RNLS: variants seen among roughly 807,000 people sequenced by gnomAD.
The protein encoded by RNLS is renalase, FAD dependent amine oxidase.
RNLS carries 39 observed loss-of-function variants against 39.8 expected under a neutral mutation model. The ratio of observed to expected loss-of-function variants is 0.98; its 90% confidence interval spans 0.76 to 1.28. The LOEUF (loss-of-function observed/expected upper bound fraction) is 1.28. Among genes scored for constraint, RNLS ranks in the 50% most tolerant of loss-of-function variants. RNLS has a pLI of 0.00. For synonymous variants in RNLS, 147 were observed against 150.7 expected (o/e 0.98, Z 0.18); for missense variants, 410 against 413.3 (o/e 0.99, Z 0.07).
At chr10:88,203,268 G>GTATATA in the RNLS span, among the ~76,000 whole-genome samples, 3 of 16,794 alleles carry the variant, frequency 1.8e-4, no homozygotes, top group African/African-American at 3.5e-4. Context: ...GTGTGTGTAT[G>GTATATA]TATATATATA....
the RNLS span, among the ~76,000 whole-genome samples, chr10:88,262,190 A>AT: frequency 4.0e-5 from 6 of 151,504 alleles, no homozygotes; most frequent in African/African-American, 9.7e-5. Flanking sequence ...ATAGACAGGA[A>AT]TTTTTTTTTA....
At chr10:88,202,844 T>C in the RNLS span, among the ~76,000 whole-genome samples, 1 of 152,074 alleles carries the variant, frequency 6.6e-6, no homozygotes, top group African/African-American at 2.4e-5. Context: ...GATTCCCCCA[T>C]GGCACACAGG....
chr10:88,250,549 C>A, the RNLS span, among the ~76,000 whole-genome samples: 4 of 152,330 alleles, frequency 2.6e-5, no homozygotes, highest in Admixed American at 1.3e-4. Flanking sequence ...CAGCCCTCAA[C>A]AATTCAGACC....
intron 4 of RNLS, among the ~76,000 whole-genome samples, chr10:88,482,923 T>A (rs542653793): frequency 8.9e-4 from 135 of 152,066 alleles, no homozygotes; most frequent in East Asian, 7.7e-4. Context: ...CTTCCCTTCC[T>A]TCCTTCCCTC....
intron 4 of RNLS, among the ~76,000 whole-genome samples, chr10:88,363,428 C>CT (rs1849794864): frequency 1.3e-5 from 2 of 151,968 alleles, no homozygotes; most frequent in South Asian, 4.1e-4. Context: ...ACAAAAACTG[C>CT]TACACACACA....
the RNLS span, among the ~76,000 whole-genome samples, chr10:88,248,227 A>G: frequency 6.6e-6 from 1 of 152,202 alleles, no homozygotes; most frequent in African/African-American, 2.4e-5. Flanking sequence ...ACGTATCTAG[A>G]GTCTTCGTCT....
intron 4 of RNLS, among the ~76,000 whole-genome samples, chr10:88,366,543 C>T (rs1229465493): frequency 6.6e-6 from 1 of 151,260 alleles, no homozygotes; most frequent in East Asian, 1.9e-4. Flanking sequence ...TGTACTAGGT[C>T]CCAATAGTCC....
intron 4 of RNLS, among the ~76,000 whole-genome samples, chr10:88,567,364 C>G (rs1203042987): frequency 6.6e-6 from 1 of 152,152 alleles, no homozygotes; most frequent in Non-Finnish European, 1.5e-5. Context: ...TTAGATGTCA[C>G]TAATACAAAT....
chr10:88,346,811 C>T (rs954276806), intron 5 of RNLS, among the ~76,000 whole-genome samples: 2 of 152,148 alleles, frequency 1.3e-5, no homozygotes, highest in Admixed American at 6.6e-5. Context: ...AGATGTGTCA[C>T]ATGTGTGATG....
At chr10:88,189,415 T>C in the RNLS span, among the ~76,000 whole-genome samples, 2 of 152,182 alleles carry the variant, frequency 1.3e-5, no homozygotes, top group Non-Finnish European at 2.9e-5. Flanking sequence ...TAAAGGGATA[T>C]AGTAATAATT....
chr10:88,562,175 G>A (rs1431462715), intron 4 of RNLS, among the ~76,000 whole-genome samples: 3 of 151,948 alleles, frequency 2.0e-5, no homozygotes, highest in South Asian at 2.1e-4. Context: ...TTTCACTTTG[G>A]GGATCTTATC....
intron 4 of RNLS, among the ~76,000 whole-genome samples, chr10:88,396,618 G>A (rs889850321): frequency 6.6e-6 from 1 of 150,768 alleles, no homozygotes. Flanking sequence ...ATAGCAAAAT[G>A]GCAGACATAA....
chr10:88,325,991 C>T (rs538650253), intron 5 of RNLS, among the ~76,000 whole-genome samples: 2 of 152,308 alleles, frequency 1.3e-5, no homozygotes, highest in East Asian at 3.9e-4. Flanking sequence ...AAGCTTGCTT[C>T]CTCTTTGCCT....
intron 6 of RNLS, among the ~76,000 whole-genome samples, chr10:88,310,959 T>C (rs751221135): frequency 7.2e-5 from 11 of 152,176 alleles, no homozygotes; most frequent in Non-Finnish European, 1.6e-4. Flanking sequence ...CACATCCATT[T>C]ATTTTTCCAA....
chr10:88,333,757 G>C (rs7089911), intron 5 of RNLS, among the ~76,000 whole-genome samples: 60,324 of 152,020 alleles, frequency 0.4, 12,253 homozygotes, highest in East Asian at 0.51. Flanking sequence ...GTATTTAGAG[G>C]TGGGGCCGTT....
the RNLS span, among the ~76,000 whole-genome samples, chr10:88,197,000 T>C: frequency 1.3e-5 from 2 of 152,228 alleles, no homozygotes; most frequent in African/African-American, 4.8e-5. Context: ...TTCTAATTAA[T>C]AATGATTCTG....
intron 4 of RNLS, among the ~76,000 whole-genome samples, chr10:88,410,642 C>T (rs1366857918): frequency 6.6e-6 from 1 of 152,098 alleles, no homozygotes; most frequent in Admixed American, 6.6e-5. Flanking sequence ...AAACATTTAT[C>T]AACTGAGTTT....
chr10:88,359,521 T>A (rs948262757), intron 5 of RNLS, among the ~76,000 whole-genome samples: 4 of 152,230 alleles, frequency 2.6e-5, no homozygotes, highest in African/African-American at 9.6e-5. Context: ...GCATTCTGTC[T>A]CACTTAATTT....
At chr10:88,173,146 C>T in the RNLS span, among the ~76,000 whole-genome samples, 2 of 152,016 alleles carry the variant, frequency 1.3e-5, no homozygotes, top group East Asian at 1.9e-4. Context: ...GCATAAGCCA[C>T]CGCGCCCGGC....
Sources: gnomAD v4.1 joint callset for allele counts (sites outside exome capture counted in the v4.1 genomes callset) on GRCh38, gnomAD v4.1.1 for gene constraint, MANE v1.5 for transcripts, NCBI Gene and HGNC (gene_info 2026-07-23, HGNC 2026-07-21) for gene names.